SLCO1A2: variants seen among roughly 807,000 people sequenced by gnomAD.
The protein encoded by SLCO1A2 is OATP-1.
SLCO1A2 carries 67 observed loss-of-function variants against 69.0 expected under a neutral mutation model. That is an observed-to-expected ratio of 0.97 (90% CI 0.80 to 1.19). The LOEUF is 1.19. Ranked by LOEUF, SLCO1A2 falls within the 50% of genes most tolerant of loss-of-function variation. SLCO1A2 has a pLI of 0.00. For missense variants in SLCO1A2, 787 were observed against 793.7 expected (o/e 0.99, Z 0.10); for synonymous variants, 260 against 265.9 (o/e 0.98, Z 0.22).
At chr12:21,353,726 A>G (rs1036452214) in intron 2 of SLCO1A2, among the ~76,000 whole-genome samples, 8 of 152,162 alleles carry the variant, frequency 5.3e-5, no homozygotes, top group Non-Finnish European at 8.8e-5. Context: ...ATCTGTGTGG[A>G]TACTGCTTCA....
chr12:21,319,709 T>C (rs1312212623), intron 2 of SLCO1A2: 6 of 281,908 alleles, frequency 2.1e-5, no homozygotes, highest in Non-Finnish European at 3.5e-5. Flanking sequence ...CTAATATATA[T>C]ACTATAAATT....
chr12:21,360,894 G>A (rs534250682), intron 2 of SLCO1A2, among the ~76,000 whole-genome samples: 2 of 152,140 alleles, frequency 1.3e-5, no homozygotes, highest in African/African-American at 4.8e-5. Context: ...CTAGGAACTC[G>A]AACTCGGTGG....
rs1421460099 is a variant in SLCO1A2, at chr12:21,411,980, T to A, written c.-312+5902A>T. Among the ~76,000 whole-genome samples the A allele has an allele frequency of 2.0e-5, 3 of 152,332 alleles. 1 individual carries two copies. The East Asian group carries it at 5.8e-4, about 29-fold the overall frequency. Reference sequence around the variant, plus strand: ...CTGTGCCTGGCCATCAGTATGATACTAAGTTTCATCCATGAACATGATATA... The same window carrying A: ...CTGTGCCTGGCCATCAGTATGATACAAAGTTTCATCCATGAACATGATATA... On this transcript the variant is annotated intron_variant, in intron 1 of 4. Coordinates refer to the SLCO1A2 transcript ENST00000413682.
chr12:21,329,960 C>T (rs1315189040), intron 2 of SLCO1A2, among the ~76,000 whole-genome samples: 1 of 151,746 alleles, frequency 6.6e-6, no homozygotes, highest in Admixed American at 6.6e-5. Context: ...ATTAGTCTTA[C>T]CCAAAACTAC....
chr12:21,395,965 C>T (rs1436896263), upstream of SLCO1A2, among the ~76,000 whole-genome samples: 6 of 150,728 alleles, frequency 4.0e-5, no homozygotes, highest in African/African-American at 1.5e-4. Flanking sequence ...AAGCAGAGCG[C>T]CTCTCCTCCT....
chr12:21,282,306 C>T (rs1377564898), intron 12 of SLCO1A2, among the ~76,000 whole-genome samples: 1 of 151,886 alleles, frequency 6.6e-6, no homozygotes, highest in African/African-American at 2.4e-5. Context: ...TATGATACAT[C>T]ATACCAAAAG....
intron 11 of SLCO1A2, 138 bp from the exon 12 acceptor site, chr12:21,292,474 T>G: frequency 1.9e-6 from 1 of 530,716 alleles, no homozygotes; most frequent in South Asian, 4.3e-5. Flanking sequence ...TCTCTCAAGA[T>G]TACACCATAT....
intron 1 of SLCO1A2, among the ~76,000 whole-genome samples, chr12:21,374,859 G>A (rs1168527886): frequency 6.6e-6 from 1 of 150,554 alleles, no homozygotes; most frequent in African/African-American, 2.5e-5. Context: ...CACCCAGGCT[G>A]CTGGAGCACA....
intron 2 of SLCO1A2, among the ~76,000 whole-genome samples, chr12:21,334,119 T>C (rs1424445754): frequency 2.0e-5 from 3 of 152,044 alleles, no homozygotes; most frequent in African/African-American, 4.8e-5. Context: ...GCTGACAAAA[T>C]GGCCATTTTT....
upstream of SLCO1A2, chr12:21,418,077 A>G (rs1942016218): frequency 1.3e-5 from 2 of 152,212 alleles, no homozygotes; most frequent in Non-Finnish European, 2.9e-5. Context: ...AAGGATGAAG[A>G]CAAAAGAGCA....
intron 2 of SLCO1A2, among the ~76,000 whole-genome samples, chr12:21,327,065 T>G (rs1200647033): frequency 6.6e-6 from 1 of 152,050 alleles, no homozygotes; most frequent in Non-Finnish European, 1.5e-5. Flanking sequence ...AAAAATGGTT[T>G]TCTTGTCCAG....
At chr12:21,358,823 A>C (rs1938582108) in intron 2 of SLCO1A2, among the ~76,000 whole-genome samples, 1 of 152,210 alleles carries the variant, frequency 6.6e-6, no homozygotes, top group Admixed American at 6.5e-5. Context: ...ATACCTACCA[A>C]AGCCACAAAG....
intron 2 of SLCO1A2, among the ~76,000 whole-genome samples, chr12:21,365,958 A>T (rs911859524): frequency 6.6e-6 from 1 of 152,226 alleles, no homozygotes; most frequent in Non-Finnish European, 1.5e-5. Flanking sequence ...GTGGGACTGT[A>T]AAGTAGTTCA....
chr12:21,290,175 A>T (rs1422058978), intron 12 of SLCO1A2, among the ~76,000 whole-genome samples: 1 of 152,028 alleles, frequency 6.6e-6, no homozygotes, highest in African/African-American at 2.4e-5. Flanking sequence ...TTTATGAAAA[A>T]TTTTTAAGAA....
In SLCO1A2 at chr12:21,323,082, G is replaced by C. The variant is rs76356220; in HGVS notation, c.61-4159C>G. Among the ~76,000 whole-genome samples the C allele has an allele frequency of 4.2e-3, 640 of 152,216 alleles. 9 individuals are homozygous for C. The highest frequency in any genetic ancestry group is 0.015 in the African/African-American group (616 of 41,530). On this transcript the variant is annotated intron_variant, in intron 2 of 14. Transcript: ENST00000683939. ...GCCAGATAGGAATGGACATGGACAA[G>C]TATTCATTACCCCTTAAATTTTTTT...
At chr12:21,367,739 C>T (rs1005456891) in intron 2 of SLCO1A2, among the ~76,000 whole-genome samples, 1 of 151,708 alleles carries the variant, frequency 6.6e-6, no homozygotes, top group Admixed American at 6.6e-5. Context: ...TATCAAAGTA[C>T]CGAGACTACA....
intron 2 of SLCO1A2, among the ~76,000 whole-genome samples, chr12:21,320,983 T>G (rs1021002781): frequency 2.0e-5 from 3 of 152,314 alleles, no homozygotes; most frequent in African/African-American, 7.2e-5. Context: ...TGGTCTAGAC[T>G]CTAGACTGTT....
intron 2 of SLCO1A2, among the ~76,000 whole-genome samples, chr12:21,332,427 T>C (rs1324561524): frequency 6.6e-6 from 1 of 152,084 alleles, no homozygotes; most frequent in South Asian, 2.1e-4. Context: ...TCATAGAGAA[T>C]GGATATAAAT....
chr12:21,316,668 C>T (rs185637066), intron 3 of SLCO1A2, among the ~76,000 whole-genome samples: 119 of 152,008 alleles, frequency 7.8e-4, no homozygotes, highest in African/African-American at 2.9e-3. Context: ...TTTCTTCTAC[C>T]TGTGCCTTAA....
Sources: gnomAD v4.1 joint callset for allele counts (sites outside exome capture counted in the v4.1 genomes callset) on GRCh38, gnomAD v4.1.1 for gene constraint, MANE v1.5 for transcripts, NCBI Gene and HGNC (gene_info 2026-07-23, HGNC 2026-07-21) for gene names.